The following DNAH6 variants were observed in gnomAD, a reference collection of about 807,000 sequenced individuals.
DNAH6 encodes dynein axonemal heavy chain 6.
DNAH6 carries 340 observed loss-of-function variants against 491.4 expected under a neutral mutation model. That is an observed-to-expected ratio of 0.69 (90% CI 0.63 to 0.76). The LOEUF is 0.76. DNAH6 is among the 30% of genes least tolerant of loss of function. DNAH6 has a pLI of 0.00. For synonymous variants in DNAH6, 1,603 were observed against 1,686.1 expected, an observed-to-expected ratio of 0.95 and a Z score of 1.21; for missense variants, 4,443 against 4,972.2, an observed-to-expected ratio of 0.89 and a Z score of 3.20.
At chr2:84,659,594 A>G (rs2104594963) in intron 37 of DNAH6, among the ~76,000 whole-genome samples, 1 of 152,344 alleles carries the variant, frequency 6.6e-6, no homozygotes, top group South Asian at 2.1e-4. Context: ...ACAAATATGT[A>G]TGGAAGGAGA....
At chr2:84,506,646 G>GC in the DNAH6 span, among the ~76,000 whole-genome samples, 5 of 152,282 alleles carry the variant, frequency 3.3e-5, no homozygotes, top group African/African-American at 1.2e-4. Flanking sequence ...CCTTGCCCAT[G>GC]CCTATGTCCT....
chr2:84,752,012 G>A (rs914252859), intron 63 of DNAH6, among the ~76,000 whole-genome samples: 9 of 152,210 alleles, frequency 5.9e-5, no homozygotes, highest in Non-Finnish European at 1.0e-4. Context: ...GAAGCATCTT[G>A]GTTTCCAAGG....
intron 63 of DNAH6, among the ~76,000 whole-genome samples, chr2:84,752,058 G>C (rs1458650912): frequency 6.6e-6 from 1 of 152,178 alleles, no homozygotes; most frequent in Non-Finnish European, 1.5e-5. Flanking sequence ...TGGCAGGACT[G>C]GTGTTTCCAT....
At chr2:84,471,149 T>TC in the DNAH6 span, among the ~76,000 whole-genome samples, 2 of 152,218 alleles carry the variant, frequency 1.3e-5, no homozygotes, top group Admixed American at 6.5e-5. Context: ...TCAGCTTTTT[T>TC]CCCAACACTC....
In DNAH6 at chr2:84,544,300, A is replaced by G; in HGVS notation, c.730A>G (p.Ile244Val). 5 of 1,531,794 alleles carry G rather than the reference A, an allele frequency of 3.3e-6. No homozygotes were observed. Among genetic ancestry groups the G allele is most frequent in the African/African-American group, 1.4e-5 (1 of 72,872 alleles). 94.9% of individuals were successfully genotyped at this position (1,531,794 alleles called of 1,614,324 possible). The change falls in exon 5 of 77, where the codon ATT (isoleucine) becomes GTT (valine). Residue 244 changes from isoleucine (I) to valine (V), a missense_variant. Ile to Val is a conservative substitution (Grantham distance 29). Around this residue, in one of 3 missense-constraint regions of DNAH6, gnomAD observed 2,977 missense variants for 3,296.6 expected, o/e 0.90. Coordinates refer to ENST00000389394, the MANE Select transcript of DNAH6 (RefSeq NM_001370.2). ...TATTAGCCAAAGGGCAGTAACACAC[A>G]TTTATAATGAAGACATTGAATTTAT... ...YTISQRAVTH[I>V]YNEDIEFIEI...
intron 72 of DNAH6, among the ~76,000 whole-genome samples, chr2:84,811,010 C>T (rs997696681): frequency 2.6e-5 from 4 of 152,138 alleles, no homozygotes; most frequent in Non-Finnish European, 5.9e-5. Flanking sequence ...TTCCTATTTC[C>T]AGGTCTATCA....
chr2:84,663,552 G>T (rs532374791), intron 37 of DNAH6, among the ~76,000 whole-genome samples: 1 of 152,128 alleles, frequency 6.6e-6, no homozygotes, highest in Admixed American at 6.6e-5. Context: ...AGAGAAAAAA[G>T]AGTAAAAAGA....
chr2:84,605,680 T>A, intron 20 of DNAH6, 88 bp downstream of exon 20: 1 of 838,640 alleles, frequency 1.2e-6, no homozygotes, highest in Non-Finnish European at 1.9e-6. Context: ...GATGAGGGAA[T>A]AAAACATGAG....
At position 84,536,793 on chromosome 2, in the gene DNAH6, C is replaced by T. The variant is rs533754259; in HGVS notation, c.663-7440C>T. ...AACTTGGACAGATCATTCATCATGT[C>T]TTGATTAGACATGATGTAGCTACTT... On this transcript the variant is annotated intron_variant, in intron 4 of 76. Transcript: ENST00000389394. 3.9e-5 allele frequency among the ~76,000 whole-genome samples: 6 copies of T among 152,072 alleles called. No individual in the cohort carries two copies. In the East Asian group the frequency reaches 1.2e-3, roughly 29 times the overall value.
chr2:84,785,789 G>T (rs946639183), intron 67 of DNAH6, 33 bp downstream of exon 67: 1 of 1,464,566 alleles, frequency 6.8e-7, no homozygotes, highest in African/African-American at 1.4e-5. Context: ...ATAGCAACAA[G>T]GAAGTGTATT....
At chr2:84,533,350 G>A (rs1168086745) in intron 4 of DNAH6, among the ~76,000 whole-genome samples, 1 of 152,072 alleles carries the variant, frequency 6.6e-6, no homozygotes, top group Non-Finnish European at 1.5e-5. Context: ...GTAAGATTTA[G>A]AACATTTTGT....
chr2:84,751,797 C>T (rs1673498524), intron 63 of DNAH6, among the ~76,000 whole-genome samples: 1 of 152,234 alleles, frequency 6.6e-6, no homozygotes, highest in African/African-American at 2.4e-5. Flanking sequence ...TTAAAACAGA[C>T]TCCTGGGGCC....
At chr2:84,604,316 C>G (rs1317069550) in intron 18 of DNAH6, 23 bp from the exon 19 acceptor site, 1 of 1,530,864 alleles carries the variant, frequency 6.5e-7, no homozygotes, top group African/African-American at 1.4e-5. Flanking sequence ...AGCTTCATGT[C>G]TCTGAGAGTG....
At chr2:84,699,041 G>C (rs1009916183) in intron 47 of DNAH6, among the ~76,000 whole-genome samples, 4 of 152,178 alleles carry the variant, frequency 2.6e-5, no homozygotes, top group African/African-American at 7.2e-5. Context: ...ACAGAGGGAA[G>C]GAGGGATGAA....
the DNAH6 span, among the ~76,000 whole-genome samples, chr2:84,477,119 G>C: frequency 6.6e-6 from 1 of 152,196 alleles, no homozygotes; most frequent in Non-Finnish European, 1.5e-5. Context: ...GGACCAGGGG[G>C]CCATTGCAAT....
rs189390652 is a variant in DNAH6 at position 84,699,821 on chromosome 2, G to T, written c.7818+87G>T. On this transcript the variant is annotated intron_variant, in intron 48 of 76. Transcript: ENST00000389394. ...CACATTGTCCAAGAGTAACTCATGGGTACTTGTATTAGCTTTAAAGCCTAC... is the reference window on the plus strand; with the variant it reads ...CACATTGTCCAAGAGTAACTCATGGTTACTTGTATTAGCTTTAAAGCCTAC... 17 of 1,287,522 alleles carry T rather than the reference G, an allele frequency of 1.3e-5. No homozygotes were observed. In the African/African-American group the frequency reaches 2.4e-4, roughly 18 times the overall value. The allele number at this position is 1,287,522 out of a possible 1,614,324, so 79.8% of individuals were successfully genotyped here.
At chr2:84,688,209 A>G (rs1250319754) in intron 44 of DNAH6, among the ~76,000 whole-genome samples, 5 of 150,322 alleles carry the variant, frequency 3.3e-5, no homozygotes, top group Admixed American at 3.3e-4. Flanking sequence ...CACCCCACCC[A>G]GCCTGGGCAA....
chr2:84,553,076 T>A (rs758499888), intron 10 of DNAH6, 42 bp downstream of exon 10: 30 of 1,224,126 alleles, frequency 2.5e-5, no homozygotes, highest in East Asian at 5.0e-5. Flanking sequence ...AGCACCTATT[T>A]GGAAAATGAA....
At chr2:84,751,126 T>C (rs985451703) in intron 63 of DNAH6, 1 of 152,238 alleles carries the variant, frequency 6.6e-6, no homozygotes, top group Non-Finnish European at 1.5e-5. Context: ...ATCCTTACCC[T>C]GCTATTGATG....
Sources: allele counts gnomAD v4.1 joint callset (sites outside exome capture counted in the v4.1 genomes callset), GRCh38; gene constraint gnomAD v4.1.1; regional missense constraint gnomAD v4.1.1; transcripts MANE v1.5; gene names NCBI Gene and HGNC (gene_info 2026-07-23, HGNC 2026-07-21).